Variants in SAP130 observed in about 807,000 individuals in gnomAD.
The protein encoded by SAP130 is histone deacetylase complex subunit SAP130.
SAP130 carries 16 observed loss-of-function variants against 103.2 expected under a neutral mutation model. The ratio of observed to expected loss-of-function variants is 0.16; its 90% CI spans 0.10 to 0.24. The LOEUF is 0.24. SAP130 is among the 10% of genes least tolerant of loss of function. SAP130 has a pLI of 1.00. For missense variants in SAP130, 990 were observed against 1,359.7 expected (o/e 0.73, Z 4.28); for synonymous variants, 477 against 497.0 (o/e 0.96, Z 0.53).
In SAP130 at chr2:127,950,383, A is replaced by G. The variant is rs1679415679; in HGVS notation, c.2448T>C (p.Thr816=). ...VSAVPPLATN[T]VSPSLALLAN... ...CCAGCAATGCAAGAGATGGAGACACAGTGTTGGTAGCCAGTGGAGGAACTG... is the reference window on the plus strand; with the variant it reads ...CCAGCAATGCAAGAGATGGAGACACGGTGTTGGTAGCCAGTGGAGGAACTG... The change falls in exon 17 of 21, where the codon ACT becomes ACC. Residue 816 remains threonine (T), a synonymous_variant. Transcript: ENST00000643581. 6.2e-7 allele frequency: 1 copy of G among 1,614,250 alleles called. No individual in the cohort carries two copies. Among genetic ancestry groups the G allele is most frequent in the Non-Finnish European group, 8.5e-7 (1 of 1,180,036 alleles).
At chr2:127,978,205 C>A in intron 14 of SAP130, 116 bp from the exon 15 acceptor site, 1 of 690,798 alleles carries the variant, frequency 1.4e-6, no homozygotes, top group Non-Finnish European at 2.5e-6. Flanking sequence ...CCTACATTGA[C>A]TAAGTATTTT....
intron 19 of SAP130, among the ~76,000 whole-genome samples, chr2:127,944,184 C>A (rs1678904693): frequency 6.6e-6 from 1 of 151,856 alleles, no homozygotes; most frequent in Admixed American, 6.6e-5. Context: ...GGGTGTGCAC[C>A]ACTACACCCG....
chr2:127,964,963 C>T (rs1042751043), intron 15 of SAP130, among the ~76,000 whole-genome samples: 4 of 149,278 alleles, frequency 2.7e-5, no homozygotes, highest in African/African-American at 4.9e-5. Context: ...CGCGCCACTG[C>T]GCTCCAGCCT....
At chr2:127,959,698 TAA>T (rs1680100480) in intron 15 of SAP130, among the ~76,000 whole-genome samples, 4 of 152,088 alleles carry the variant, frequency 2.6e-5, no homozygotes, top group Admixed American at 2.6e-4. Flanking sequence ...ACAACTTGAG[TAA>T]GACAAGAGAT....
intron 15 of SAP130, among the ~76,000 whole-genome samples, chr2:127,973,416 G>C (rs1681230617): frequency 6.6e-6 from 1 of 152,190 alleles, no homozygotes; most frequent in Non-Finnish European, 1.5e-5. Context: ...ATTTTTAGTA[G>C]AGAGGGGGTT....
At chr2:127,947,764 C>CTGTGTCTGTGAGTGTG (rs1553500399) in intron 18 of SAP130, among the ~76,000 whole-genome samples, 3 of 143,312 alleles carry the variant, frequency 2.1e-5, no homozygotes, top group Non-Finnish European at 4.5e-5. Context: ...TTGTGTGTGT[C>CTGTGTCTGTGAGTGTG]TGTGTGTGTG....
rs1678792162 is a variant in SAP130 at position 127,942,704 on chromosome 2, A to C, written c.2902-167T>G. ...AGATACTAAGGTTTAAAAACAGTAA[A>C]GGGGCTGGGCGCGGTGGCTCACGCC... On this transcript the variant is annotated intron_variant, in intron 19 of 20. Coordinates refer to ENST00000643581, the MANE Select transcript of SAP130 (RefSeq NM_001330301.2). This position sits in a 1 kb window ranked among gnomAD's most constrained non-coding sequence, Gnocchi z 4.8. Among the ~76,000 whole-genome samples, 1 of 152,192 alleles carries C rather than the reference A, an allele frequency of 6.6e-6. No homozygotes were observed. The highest frequency in any genetic ancestry group is 1.5e-5 in the Non-Finnish European group (1 of 68,040).
At chr2:128,011,342 C>T (rs891575813) in intron 6 of SAP130, among the ~76,000 whole-genome samples, 1 of 152,248 alleles carries the variant, frequency 6.6e-6, no homozygotes, top group African/African-American at 2.4e-5. Context: ...AAGCTCCACA[C>T]TGGGCTTCAT....
Position 127,950,205 on chromosome 2 carries a change from G to A in SAP130, c.2626C>T (p.Leu876=). 6.2e-7 allele frequency: 1 copy of A among 1,614,204 alleles called. No homozygotes were observed. Among genetic ancestry groups the A allele is most frequent in the Non-Finnish European group, 8.5e-7 (1 of 1,180,040 alleles). ...GACTTGCGCTTCTCAGCCTTCACCA[G>A]AAGACTCTTGGCAGTGGACTTCTCA... ...DDEKSTAKSL[L]VKAEKRKSPP... The change falls in exon 17 of 21, where the codon CTG becomes TTG. Residue 876 remains leucine (L), a synonymous_variant. Coordinates refer to ENST00000643581, the MANE Select transcript of SAP130 (RefSeq NM_001330301.2).
intron 7 of SAP130, among the ~76,000 whole-genome samples, chr2:128,006,778 T>TGGGA (rs1684008830): frequency 6.6e-6 from 1 of 152,206 alleles, no homozygotes; most frequent in Non-Finnish European, 1.5e-5. Flanking sequence ...AGACGTTGTC[T>TGGGA]CAAAAAAGAA....
chr2:127,995,494 A>T (rs1210332125), intron 11 of SAP130, among the ~76,000 whole-genome samples: 2 of 152,224 alleles, frequency 1.3e-5, no homozygotes, highest in African/African-American at 4.8e-5. Flanking sequence ...CGATTAAAAA[A>T]CAGTAAAATG....
At chr2:128,012,516 T>C (rs1684469106) in intron 6 of SAP130, among the ~76,000 whole-genome samples, 1 of 152,140 alleles carries the variant, frequency 6.6e-6, no homozygotes, top group Non-Finnish European at 1.5e-5. Flanking sequence ...CTCTACTGTA[T>C]ATAAAGTCTA....
At chr2:127,977,405 C>G (rs1681543530) in intron 15 of SAP130, among the ~76,000 whole-genome samples, 1 of 150,328 alleles carries the variant, frequency 6.7e-6, no homozygotes, top group African/African-American at 2.4e-5. Context: ...GTGGCCGAGG[C>G]AGGAGAATTG....
At chr2:128,026,102 A>T in intron 2 of SAP130, 79 bp downstream of exon 2, 1 of 917,830 alleles carries the variant, frequency 1.1e-6, no homozygotes, top group Non-Finnish European at 1.7e-6. Context: ...ATCCTAGAAG[A>T]ATCTGCTAAT....
chr2:128,021,414 T>TACAGCCTGGGCG (rs1189705397), intron 2 of SAP130, among the ~76,000 whole-genome samples: 1 of 137,292 alleles, frequency 7.3e-6, no homozygotes, highest in Non-Finnish European at 1.5e-5. Context: ...GCCACTGCAC[T>TACAGCCTGGGCG]ACAGCCTGGG....
chr2:127,978,394 A>G (rs1302674068), intron 14 of SAP130, among the ~76,000 whole-genome samples: 1 of 152,118 alleles, frequency 6.6e-6, no homozygotes, highest in Non-Finnish European at 1.5e-5. Context: ...AGCATGCCAC[A>G]TCTCCTTTCT....
chr2:128,000,482 G>T (rs1683479051), intron 7 of SAP130, 28 bp from the exon 8 acceptor site: 24 of 1,613,106 alleles, frequency 1.5e-5, no homozygotes, highest in Non-Finnish European at 1.6e-5. Context: ...ACACAATGCA[G>T]ATGGGCAAGG....
intron 15 of SAP130, among the ~76,000 whole-genome samples, chr2:127,974,122 T>C (rs1681284044): frequency 6.6e-6 from 1 of 152,200 alleles, no homozygotes; most frequent in African/African-American, 2.4e-5. Flanking sequence ...AACGATTTTA[T>C]CAGCTCTCAC....
At chr2:127,948,372 C>A (rs1375509926) in intron 18 of SAP130, among the ~76,000 whole-genome samples, 8 of 122,960 alleles carry the variant, frequency 6.5e-5, no homozygotes, top group Non-Finnish European at 1.1e-4. Flanking sequence ...CTTGCTCGGT[C>A]ACCCAGGATG....
Sources: allele counts gnomAD v4.1 joint callset (sites outside exome capture counted in the v4.1 genomes callset), GRCh38; gene constraint gnomAD v4.1.1; non-coding constraint Gnocchi (gnomAD v3.1); transcripts MANE v1.5; gene names NCBI Gene and HGNC (gene_info 2026-07-23, HGNC 2026-07-21).